The following EFCAB5 variants were observed in gnomAD, a reference collection of about 807,000 sequenced individuals.
EFCAB5 encodes the protein EF-hand calcium binding domain 5.
In EFCAB5, 131 loss-of-function variants were observed where a neutral mutation model predicts 167.9. That is an observed-to-expected ratio of 0.78 (90% confidence interval 0.68 to 0.90). The LOEUF (loss-of-function observed/expected upper bound fraction) is 0.90. EFCAB5 is among the 40% of genes least tolerant of loss of function. EFCAB5 has a pLI of 0.00. For missense variants in EFCAB5, 1,663 were observed against 1,745.2 expected, an observed-to-expected ratio of 0.95 and a Z score of 0.84; for synonymous variants, 574 against 602.8, an observed-to-expected ratio of 0.95 and a Z score of 0.70.
rs185083328 is a variant in EFCAB5, at chr17:29,943,580, C to T, written c.121C>T (p.Pro41Ser). 1,350 of 1,581,030 alleles carry T rather than the reference C, an allele frequency of 8.5e-4. 1 individual carries two copies. Among genetic ancestry groups the T allele is most frequent in the Non-Finnish European group, 8.5e-4 (989 of 1,162,948 alleles). Residue 41 changes from proline (P) to serine (S), a missense_variant, in exon 3 of 23, where the codon CCA becomes TCA. Physicochemically the swap from Pro to Ser is moderately conservative, Grantham distance 74. Transcript: ENST00000394835. ...CTTTTCAAAGACCTTACAGAGTGTGCCAGACGTTCCTGTAAAAGAGGACAC... is the reference window on the plus strand; with the variant it reads ...CTTTTCAAAGACCTTACAGAGTGTGTCAGACGTTCCTGTAAAAGAGGACAC... ...KELHETLQSV[P>S]DVPVKEDTNS...
chr17:30,080,334 A>T, intron 16 of EFCAB5, 93 bp downstream of exon 16: 1 of 1,363,672 alleles, frequency 7.3e-7, no homozygotes, highest in Non-Finnish European at 9.8e-7. Context: ...TAGCTGCTCA[A>T]AAGAGAGGTG....
At chr17:29,949,840 A>G (rs965966420) in intron 3 of EFCAB5, among the ~76,000 whole-genome samples, 84 of 152,260 alleles carry the variant, frequency 5.5e-4, no homozygotes, top group African/African-American at 1.9e-3. Context: ...CAATGCAAGC[A>G]CTAGGATTAT....
chr17:30,023,024 C>T (rs1192860313), intron 7 of EFCAB5, among the ~76,000 whole-genome samples: 2 of 151,656 alleles, frequency 1.3e-5, no homozygotes, highest in Middle Eastern at 3.4e-3. Context: ...GGGACACATT[C>T]AAAGCAGTGT....
At chr17:29,969,498 T>C (rs1283652271) in intron 4 of EFCAB5, 131 bp downstream of exon 4, 4 of 799,316 alleles carry the variant, frequency 5.0e-6, no homozygotes, top group Non-Finnish European at 7.6e-6. Context: ...TTTATTGAGC[T>C]ACTAGTATGT....
At chr17:30,059,516 C>A in intron 13 of EFCAB5, 29 bp from the exon 14 acceptor site, 1 of 1,566,642 alleles carries the variant, frequency 6.4e-7, no homozygotes, top group Admixed American at 1.9e-5. Context: ...ATATATCTTC[C>A]GTGCTTTATT....
At chr17:30,039,964 AAC>A (rs2069725557) in intron 8 of EFCAB5, among the ~76,000 whole-genome samples, 1 of 152,234 alleles carries the variant, frequency 6.6e-6, no homozygotes, top group Admixed American at 6.5e-5. Context: ...ACCTAAGGCA[AAC>A]CAGTGCCACT....
chr17:30,087,841 A>T (rs9893169), intron 19 of EFCAB5, among the ~76,000 whole-genome samples: 93,586 of 152,072 alleles, frequency 0.62, 31,282 homozygotes, highest in African/African-American at 0.88. Context: ...ATGGTATTTC[A>T]GGTTCTAGGC....
Position 30,053,453 on chromosome 17 carries a change from C to T in EFCAB5, c.1499C>T (p.Thr500Ile). The change falls in exon 10 of 23, where the codon ACA becomes ATA. Residue 500 changes from threonine to isoleucine, a missense_variant. Coordinates refer to ENST00000394835, the MANE Select transcript of EFCAB5 (RefSeq NM_198529.4). ...QPKLNEQRTS[T>I]PSPNPPEQQR... is the part of the protein sequence containing the mutation. The stretch of plus-strand genomic sequence containing the variant: ...AAACTTAACGAACAGAGAACATCAA[C>T]ACCATCACCAAACCCGCCAGAACAG... 6.2e-7 allele frequency: 1 copy of T among 1,613,962 alleles called. No homozygotes were observed. Among genetic ancestry groups the T allele is most frequent in the Non-Finnish European group, 8.5e-7 (1 of 1,179,876 alleles).
At chr17:29,956,569 A>T (rs1397716626) in intron 3 of EFCAB5, among the ~76,000 whole-genome samples, 3 of 152,240 alleles carry the variant, frequency 2.0e-5, no homozygotes, top group Non-Finnish European at 2.9e-5. Flanking sequence ...GTCTTTTTAC[A>T]CATCAAGTTT....
chr17:30,096,677 A>ATATAT (rs1193558323), intron 22 of EFCAB5, among the ~76,000 whole-genome samples: 9 of 60,130 alleles, frequency 1.5e-4, no homozygotes, highest in East Asian at 4.5e-4. Context: ...ATATATATAT[A>ATATAT]TTTTTTTTTT....
chr17:30,080,789 T>G lies in EFCAB5; in HGVS notation c.3234T>G (p.Val1078=), dbSNP rs758658065. The change falls in exon 17 of 23, where the codon GTT becomes GTG. Residue 1078 remains valine, a synonymous_variant. Transcript: ENST00000394835. ...TGGATGAAGGGAAGCCAATCCATGT[T>G]CCCCAAGTTCAGTACCATGGGAACA... ...TVVDEGKPIH[V]PQVQYHGNIF... The G allele has an allele frequency of 3.7e-6, 6 of 1,611,290 alleles. No homozygotes were observed. Among genetic ancestry groups the G allele is most frequent in the Middle Eastern group, 1.7e-4 (1 of 5,806 alleles).
rs374541486 is a variant in EFCAB5, at chr17:30,051,202, C to A, written c.1285C>A (p.Arg429=). ...HSSQMLRSLL[R]NPRQWPFIEF... ...TTCACAAATGCTTAGGAGTTTACTT[C>A]GAAACCCACGACAATGTAAGTGCCG... Residue 429 remains arginine (R), a synonymous_variant, in exon 9 of 23, where the codon CGA becomes AGA. Transcript: ENST00000394835. The A allele has an allele frequency of 2.5e-6, 4 of 1,613,802 alleles. No individual in the cohort carries two copies. The highest frequency in any genetic ancestry group is 3.4e-6 in the Non-Finnish European group (4 of 1,179,876).
At chr17:29,946,475 C>T (rs2067401714) in intron 3 of EFCAB5, among the ~76,000 whole-genome samples, 1 of 132,754 alleles carries the variant, frequency 7.5e-6, no homozygotes. Flanking sequence ...CTCGCTCTGT[C>T]ACCCAGGCTG....
chr17:30,073,143 A>G, intron 14 of EFCAB5: 1 of 698,182 alleles, frequency 1.4e-6, no homozygotes, highest in South Asian at 1.5e-5. Context: ...GCAGCCTCCA[A>G]CTCCCGGACT....
chr17:30,104,614 A>G (rs769828116), intron 22 of EFCAB5, among the ~76,000 whole-genome samples: 1 of 152,158 alleles, frequency 6.6e-6, no homozygotes, highest in Non-Finnish European at 1.5e-5. Context: ...AAAAAATTGC[A>G]AAGTCTGTGT....
chr17:30,044,975 AGACAATG>A (rs2069879873), intron 8 of EFCAB5, among the ~76,000 whole-genome samples: 1 of 152,244 alleles, frequency 6.6e-6, no homozygotes, highest in Non-Finnish European at 1.5e-5. Context: ...CAGTGATAAA[AGACAATG>A]AACCACTGAT....
At chr17:30,017,861 G>A (rs2069084123) in intron 7 of EFCAB5, among the ~76,000 whole-genome samples, 1 of 151,714 alleles carries the variant, frequency 6.6e-6, no homozygotes, top group Non-Finnish European at 1.5e-5. Context: ...AATTACAATT[G>A]CCATAGTTGA....
At chr17:30,028,148 G>T (rs1267510913) in intron 7 of EFCAB5, among the ~76,000 whole-genome samples, 4 of 152,068 alleles carry the variant, frequency 2.6e-5, no homozygotes, top group South Asian at 4.1e-4. Context: ...GCTCAGTGGT[G>T]GTCCACTCTG....
At chr17:30,007,181 C>T (rs1159251837) in intron 7 of EFCAB5, among the ~76,000 whole-genome samples, 1 of 152,082 alleles carries the variant, frequency 6.6e-6, no homozygotes, top group African/African-American at 2.4e-5. Flanking sequence ...AAAATTTTTT[C>T]AGTCATCCCA....
Sources: allele counts gnomAD v4.1 joint callset (sites outside exome capture counted in the v4.1 genomes callset), GRCh38; gene constraint gnomAD v4.1.1; transcripts MANE v1.5; gene names NCBI Gene and HGNC (gene_info 2026-07-23, HGNC 2026-07-21).